The following UTP15 variants were observed in gnomAD, a reference collection of about 807,000 sequenced individuals.
UTP15 encodes UTP15 small subunit processome component.
A neutral mutation model predicts 59.1 loss-of-function variants in UTP15; 5 were observed. That is an observed-to-expected ratio of 0.08 (90% CI 0.04 to 0.18). UTP15 has a LOEUF of 0.18. Ranked by LOEUF, UTP15 falls within the 10% of genes least tolerant of loss-of-function variation. UTP15 has a pLI of 1.00. For missense variants in UTP15, 494 were observed against 616.7 expected, an observed-to-expected ratio of 0.80 and a Z score of 2.11; for synonymous variants, 211 against 212.2, an observed-to-expected ratio of 0.99 and a Z score of 0.05.
intron 9 of UTP15, 168 bp downstream of exon 9, chr5:73,578,173 T>C (rs1748158503): frequency 1.6e-6 from 1 of 631,578 alleles, no homozygotes; most frequent in Non-Finnish European, 2.6e-6. Flanking sequence ...TGATGAGTAA[T>C]GGGGAACAAG....
At position 73,580,578 on chromosome 5, in the gene UTP15, T is replaced by G. The variant is rs1245643630; in HGVS notation, c.*484T>G. The stretch of plus-strand genomic sequence containing the variant: ...GGGATTTCTAGGCCCTTGCTTAGCT[T>G]GCTTCCTGTCTCCTTGATATCTACA... On this transcript the variant is annotated 3_prime_UTR_variant, in exon 13 of 13. Coordinates refer to ENST00000296792, the MANE Select transcript of UTP15 (RefSeq NM_032175.4). 1.3e-5 allele frequency: 2 copies of G among 152,882 alleles called. No individual in the cohort carries two copies. Among genetic ancestry groups the G allele is most frequent in the African/African-American group, 2.4e-5 (1 of 41,438 alleles). The allele number at this position is 152,882 out of a possible 1,614,324, so 9.5% of individuals were successfully genotyped here.
At chr5:73,578,993 T>C in intron 10 of UTP15, 24 bp from the exon 11 acceptor site, 1 of 1,611,138 alleles carries the variant, frequency 6.2e-7, no homozygotes, top group Non-Finnish European at 8.5e-7. Flanking sequence ...TGTCTACTCA[T>C]GTTGACTTTG....
intron 6 of UTP15, among the ~76,000 whole-genome samples, chr5:73,571,664 G>A (rs1178746986): frequency 6.6e-6 from 1 of 151,450 alleles, no homozygotes; most frequent in Admixed American, 6.6e-5. Context: ...GGCGGGATGT[G>A]GTTGCTCACG....
In UTP15 at chr5:73,579,488, A is replaced by G. The variant is rs73762106; in HGVS notation, c.1339+113A>G. 3,053 of 838,940 alleles carry G rather than the reference A, an allele frequency of 3.6e-3. 50 individuals are homozygous for G. In the African/African-American group the frequency reaches 0.042, roughly 12 times the overall value. 52.0% of individuals were successfully genotyped at this position (838,940 alleles called of 1,614,324 possible). A position where few individuals can be genotyped will look rare whatever the true frequency, so the allele number is the denominator to read the frequency against. On this transcript the variant is annotated intron_variant, in intron 12 of 12. Coordinates refer to ENST00000296792, the MANE Select transcript of UTP15 (RefSeq NM_032175.4). ...AATATCTTGCTTTTATCAAATCTCA[A>G]TATGGATTTTCATGGAGAAAACAAC...
chr5:73,578,618 C>G (rs943242879), intron 9 of UTP15, 133 bp from the exon 10 acceptor site: 6 of 617,036 alleles, frequency 9.7e-6, no homozygotes, highest in Non-Finnish European at 1.3e-5. Context: ...TTTATTTAAT[C>G]TACATTATGG....
chr5:73,571,620 T>C (rs1747934428), intron 6 of UTP15, among the ~76,000 whole-genome samples: 4 of 151,946 alleles, frequency 2.6e-5, no homozygotes, highest in Admixed American at 2.6e-4. Flanking sequence ...TATATTCTTT[T>C]CCCCAGTACC....
intron 7 of UTP15, among the ~76,000 whole-genome samples, chr5:73,575,719 A>AT (rs1342115616): frequency 4.9e-5 from 7 of 143,528 alleles, no homozygotes; most frequent in Admixed American, 3.5e-4. Flanking sequence ...TTCATTGATA[A>AT]TTTTTTCTTT....
rs1425240680 is a variant in UTP15, at chr5:73,582,289, T to C, written c.*2195T>C. 2 of 152,240 alleles carry C rather than the reference T, an allele frequency of 1.3e-5. No individual in the cohort carries two copies. Among genetic ancestry groups the C allele is most frequent in the Non-Finnish European group, 2.9e-5 (2 of 68,050 alleles). 9.4% of individuals were successfully genotyped at this position (152,240 alleles called of 1,614,324 possible). A position where few individuals can be genotyped will look rare whatever the true frequency, so the allele number is the denominator to read the frequency against. ...AAAGCTTCACTGAGTGCTGCAGTTCTCAAAATATGTAACAGTTAACACATT... is the reference window on the plus strand; with the variant it reads ...AAAGCTTCACTGAGTGCTGCAGTTCCCAAAATATGTAACAGTTAACACATT... On this transcript the variant is annotated 3_prime_UTR_variant, in exon 13 of 13. Transcript: ENST00000296792.
chr5:73,570,772 C>A lies in UTP15; in HGVS notation c.673+61C>A, dbSNP rs570036365. 1.8e-5 allele frequency: 29 copies of A among 1,595,072 alleles called. No individual in the cohort carries two copies. In the East Asian group the frequency reaches 6.1e-4, roughly 33 times the overall value. On this transcript the variant is annotated intron_variant, in intron 6 of 12. Coordinates refer to ENST00000296792, the MANE Select transcript of UTP15 (RefSeq NM_032175.4). Reference sequence around the variant, plus strand: ...GTTTTGAATCACGTTTGTTTAAAATCAGTTGCTCTTTGTAATTTATCAGTG... The same window carrying A: ...GTTTTGAATCACGTTTGTTTAAAATAAGTTGCTCTTTGTAATTTATCAGTG...
In UTP15 at chr5:73,577,983, G is replaced by T. The variant is rs771223450; in HGVS notation, c.1022G>T (p.Gly341Val). The T allele has an allele frequency of 6.3e-7, 1 of 1,579,276 alleles. No individual in the cohort carries two copies. Among genetic ancestry groups the T allele is most frequent in the South Asian group, 1.2e-5 (1 of 84,978 alleles). ...RRPAYRTFIKGKNYMKQRDDI... is the reference protein window; with the variant it reads ...RRPAYRTFIKVKNYMKQRDDI... ...CCTGCATATCGAACCTTTATTAAAG[G>T]AAAAAATTACATGAAGCAACGGGTA... The change falls in exon 9 of 13, where the codon GGA becomes GTA. Residue 341 changes from glycine (G) to valine (V), a missense_variant. Coordinates refer to ENST00000296792, the MANE Select transcript of UTP15 (RefSeq NM_032175.4).
chr5:73,573,622 G>C (rs1748006538), intron 7 of UTP15, among the ~76,000 whole-genome samples: 1 of 150,018 alleles, frequency 6.7e-6, no homozygotes, highest in South Asian at 2.1e-4. Flanking sequence ...TGTTGCCCAG[G>C]CTGGAGTGCA....
At chr5:73,575,919 C>T (rs1455320341) in intron 7 of UTP15, among the ~76,000 whole-genome samples, 1 of 151,390 alleles carries the variant, frequency 6.6e-6, no homozygotes, top group Admixed American at 6.6e-5. Flanking sequence ...CAGGGTTTCT[C>T]CATGTTGGTC....
rs1185339252 is a variant in UTP15 at position 73,580,025 on chromosome 5, G to A, written c.1488G>A (p.Arg496=). The change falls in exon 13 of 13, where the codon AGG becomes AGA. Residue 496 remains arginine (R), a synonymous_variant. Transcript: ENST00000296792. ...MMDMLFATMR[R]KEGTSVLEHT... is the part of the protein sequence containing the mutation. Reference sequence around the variant, plus strand: ...ATATGCTTTTTGCCACCATGAGAAGGAAGGAAGGCACTTCTGTGTTGGAAC... The same window carrying A: ...ATATGCTTTTTGCCACCATGAGAAGAAAGGAAGGCACTTCTGTGTTGGAAC... The A allele has an allele frequency of 1.2e-6, 2 of 1,613,790 alleles. No homozygotes were observed. The highest frequency in any genetic ancestry group is 2.7e-5 in the African/African-American group (2 of 74,910).
At chr5:73,579,266 ATTT>A (rs200416122) in intron 11 of UTP15, 48 bp from the exon 12 acceptor site, 2 of 1,467,602 alleles carry the variant, frequency 1.4e-6, no homozygotes, top group African/African-American at 2.8e-5. Flanking sequence ...TGTTTTAAGG[ATTT>A]TTTTTTTAAG....
At chr5:73,570,518 T>C (rs957506367) in intron 5 of UTP15, 68 bp from the exon 6 acceptor site, 1 of 1,507,062 alleles carries the variant, frequency 6.6e-7, no homozygotes, top group African/African-American at 1.4e-5. Flanking sequence ...TTAAAATTTA[T>C]ATCTGGATAC....
chr5:73,574,380 A>G (rs1300427257), intron 7 of UTP15, among the ~76,000 whole-genome samples: 1 of 152,148 alleles, frequency 6.6e-6, no homozygotes, highest in South Asian at 2.1e-4. Flanking sequence ...TTAAAATTAG[A>G]TAAAATAAAA....
rs1424163431 is a variant in UTP15 at position 73,581,199 on chromosome 5, T to C, written c.*1105T>C. 1.3e-5 allele frequency: 2 copies of C among 151,866 alleles called. No individual in the cohort carries two copies. Among genetic ancestry groups the C allele is most frequent in the Non-Finnish European group, 2.9e-5 (2 of 68,010 alleles). 9.4% of individuals were successfully genotyped at this position (151,866 alleles called of 1,614,324 possible). On this transcript the variant is annotated 3_prime_UTR_variant, in exon 13 of 13. Transcript: ENST00000296792. The stretch of plus-strand genomic sequence containing the variant: ...CCTCCTGAGTAGCTGGGATTACAGG[T>C]GTGCCCCACCACGCCTGGCTAATTT...
In UTP15 at chr5:73,578,779, A is replaced by G; in HGVS notation, c.1073A>G (p.Lys358Arg). 2 of 1,613,952 alleles carry G rather than the reference A, an allele frequency of 1.2e-6. No individual in the cohort carries two copies. The highest frequency in any genetic ancestry group is 1.7e-6 in the Non-Finnish European group (2 of 1,179,836). ...GACATTTTGATTAACAGGCCAGCAAAGAAGCACCTAGAATTGTATGACAGG... is the reference window on the plus strand; with the variant it reads ...GACATTTTGATTAACAGGCCAGCAAGGAAGCACCTAGAATTGTATGACAGG... ...RDDILINRPAKKHLELYDRDL... is the reference protein window; with the variant it reads ...RDDILINRPARKHLELYDRDL... The change falls in exon 10 of 13, where the codon AAG becomes AGG. Residue 358 changes from lysine (K) to arginine (R), a missense_variant. Transcript: ENST00000296792.
rs534830556 is a variant in UTP15, at chr5:73,571,931, A to G, written c.674-558A>G. 3.3e-5 allele frequency among the ~76,000 whole-genome samples: 5 copies of G among 152,338 alleles called. No individual in the cohort carries two copies. In the South Asian group the frequency reaches 1.0e-3, roughly 32 times the overall value. On this transcript the variant is annotated intron_variant, in intron 6 of 12. Transcript: ENST00000296792. ...TCACTAGCTAATTGTGACCTCGGGC[A>G]ATCCCTTAAGGTCTCTAGACCTTGA...
Sources: allele counts gnomAD v4.1 joint callset (sites outside exome capture counted in the v4.1 genomes callset), GRCh38; gene constraint gnomAD v4.1.1; transcripts MANE v1.5; gene names NCBI Gene and HGNC (gene_info 2026-07-23, HGNC 2026-07-21).